The following CFAP161 variants were observed in gnomAD, a reference collection of about 807,000 sequenced individuals.
CFAP161 encodes cilia and flagella associated protein 161.
CFAP161 carries 25 observed loss-of-function variants against 29.0 expected under a neutral mutation model. The observed-to-expected ratio is 0.86, with a 90% CI of 0.63 to 1.20. The LOEUF (loss-of-function observed/expected upper bound fraction) is 1.20. Among genes scored for constraint, CFAP161 ranks in the 50% most tolerant of loss-of-function variants. The pLI is 0.00. For synonymous variants in CFAP161, 116 were observed against 137.4 expected, an observed-to-expected ratio of 0.84 and a Z score of 1.09; for missense variants, 367 against 371.9, an observed-to-expected ratio of 0.99 and a Z score of 0.11.
chr15:81,131,473 A>G (rs1394325413), upstream of CFAP161, among the ~76,000 whole-genome samples: 1 of 152,196 alleles, frequency 6.6e-6, no homozygotes, highest in Non-Finnish European at 1.5e-5. Context: ...AATATAAAAT[A>G]TCAATAGAGA....
At chr15:81,112,588 T>C (rs1894451829) in intron 1 of CFAP161, among the ~76,000 whole-genome samples, 1 of 152,096 alleles carries the variant, frequency 6.6e-6, no homozygotes, top group Non-Finnish European at 1.5e-5. Flanking sequence ...TTACCTTGGC[T>C]GGAGGTAGGG....
chr15:81,129,591 G>T (rs1336519855), upstream of CFAP161, among the ~76,000 whole-genome samples: 6 of 152,194 alleles, frequency 3.9e-5, no homozygotes, highest in African/African-American at 1.4e-4. Flanking sequence ...CAACATGTGG[G>T]AATTATGGGA....
At chr15:81,108,022 G>A (rs574539129) in intron 1 of CFAP161, among the ~76,000 whole-genome samples, 73 of 151,900 alleles carry the variant, frequency 4.8e-4, no homozygotes, top group South Asian at 1.2e-3. Context: ...GTGAAACTGA[G>A]ACACACCCTA....
upstream of CFAP161, among the ~76,000 whole-genome samples, chr15:81,130,136 G>T (rs1894691392): frequency 1.3e-5 from 2 of 152,162 alleles, no homozygotes; most frequent in African/African-American, 2.4e-5. Context: ...GACTTGAAAA[G>T]AATTAGAGCC....
chr15:81,119,899 A>G (rs1462908750), intron 1 of CFAP161, among the ~76,000 whole-genome samples: 1 of 98,954 alleles, frequency 1.0e-5, no homozygotes, highest in Non-Finnish European at 2.7e-5. Context: ...TTAAAAAAAA[A>G]TTAAAAAAAT....
Position 81,148,423 on chromosome 15 carries a change from T to C in CFAP161, c.796T>C (p.Leu266=). The C allele has an allele frequency of 1.2e-6, 2 of 1,614,176 alleles. No individual in the cohort carries two copies. The highest frequency in any genetic ancestry group is 1.7e-6 in the Non-Finnish European group (2 of 1,180,004). The change falls in exon 7 of 7, where the codon TTG becomes CTG. Residue 266 remains leucine (L), a synonymous_variant. Coordinates refer to ENST00000286732, the MANE Select transcript of CFAP161 (RefSeq NM_173528.4). The part of the protein sequence containing the change: ...RVEKPRNHWM[L]VTGNPRDASS... The stretch of plus-strand genomic sequence containing the variant: ...TGAGAAACCAAGGAACCACTGGATG[T>C]TGGTTACTGGGAATCCCAGGGATGC...
At chr15:81,124,485 T>A (rs529469028) in intron 1 of CFAP161, among the ~76,000 whole-genome samples, 1 of 152,270 alleles carries the variant, frequency 6.6e-6, no homozygotes, top group South Asian at 2.1e-4. Context: ...TTTTTTGTTT[T>A]ATTTCTGCCA....
At chr15:81,132,208 C>G (rs1388492033), upstream of CFAP161, among the ~76,000 whole-genome samples, 1 of 152,110 alleles carries the variant, frequency 6.6e-6, no homozygotes, top group East Asian at 1.9e-4. Context: ...ACCTGGGAAG[C>G]AGAGGTTGCA....
At chr15:81,122,047 C>T (rs1894580679) in intron 1 of CFAP161, among the ~76,000 whole-genome samples, 1 of 152,212 alleles carries the variant, frequency 6.6e-6, no homozygotes, top group Non-Finnish European at 1.5e-5. Flanking sequence ...GACATGATCT[C>T]ATTCTTTTTA....
intron 1 of CFAP161, among the ~76,000 whole-genome samples, chr15:81,125,079 C>T (rs1158121619): frequency 6.9e-6 from 1 of 145,822 alleles, no homozygotes; most frequent in East Asian, 2.0e-4. Flanking sequence ...TTTCCAATTA[C>T]AGAAAAAGTT....
rs1229553799 is a variant in CFAP161, at chr15:81,148,813, A to T, written c.*280A>T. The T allele has an allele frequency of 1.1e-5, 3 of 283,502 alleles. No homozygotes were observed. Among genetic ancestry groups the T allele is most frequent in the African/African-American group, 6.4e-5 (3 of 46,764 alleles). The allele number at this position is 283,502 out of a possible 1,614,324, so 17.6% of individuals were successfully genotyped here. On this transcript the variant is annotated 3_prime_UTR_variant, in exon 7 of 7. Coordinates refer to ENST00000286732, the MANE Select transcript of CFAP161 (RefSeq NM_173528.4). The stretch of plus-strand genomic sequence containing the variant: ...GAAGAACTCAGCTTCCTCTACTTAT[A>T]TCCTTCATTGTCTACAAGGACAGTG...
At chr15:81,119,184 A>T (rs1894538368) in intron 1 of CFAP161, among the ~76,000 whole-genome samples, 1 of 152,220 alleles carries the variant, frequency 6.6e-6, no homozygotes, top group African/African-American at 2.4e-5. Context: ...AAATACTTTT[A>T]AAGAAGAATT....
intron 4 of CFAP161, among the ~76,000 whole-genome samples, chr15:81,142,269 T>C (rs914035637): frequency 5.3e-5 from 8 of 152,020 alleles, no homozygotes; most frequent in African/African-American, 1.7e-4. Flanking sequence ...TTGATCTTTT[T>C]TTTTTAATTT....
chr15:81,124,774 CAG>C (rs898065310), intron 1 of CFAP161, among the ~76,000 whole-genome samples: 3 of 151,994 alleles, frequency 2.0e-5, no homozygotes, highest in African/African-American at 7.2e-5. Context: ...CCATTTCTTC[CAG>C]ATTTTCTAGT....
chr15:81,126,034 T>C (rs1156516955), intron 1 of CFAP161, among the ~76,000 whole-genome samples: 1 of 152,152 alleles, frequency 6.6e-6, no homozygotes, highest in Non-Finnish European at 1.5e-5. Context: ...CATGCCCAGC[T>C]AAGTTTTGTA....
At chr15:81,112,254 T>C (rs1894447956) in intron 1 of CFAP161, among the ~76,000 whole-genome samples, 2 of 152,182 alleles carry the variant, frequency 1.3e-5, no homozygotes, top group African/African-American at 4.8e-5. Flanking sequence ...CAAGAACTTT[T>C]AAACTTTCCG....
intron 1 of CFAP161, among the ~76,000 whole-genome samples, chr15:81,099,776 A>C (rs910825232): frequency 2.6e-5 from 4 of 152,190 alleles, no homozygotes; most frequent in Admixed American, 1.3e-4. Context: ...CTAAATATAT[A>C]TTAAATCAAG....
At chr15:81,127,714 A>G (rs563627722) in exon 2 of CFAP161, 2 of 151,144 alleles carry the variant, frequency 1.3e-5, no homozygotes, top group East Asian at 1.9e-4. Context: ...AGCAGAGCTC[A>G]AAGGACTGAA....
chr15:81,101,930 A>G (rs892757381), intron 1 of CFAP161, among the ~76,000 whole-genome samples: 3 of 152,148 alleles, frequency 2.0e-5, no homozygotes, highest in African/African-American at 7.2e-5. Flanking sequence ...AACTGACCTC[A>G]CTACCTCACT....
Sources: gnomAD v4.1 joint callset for allele counts (sites outside exome capture counted in the v4.1 genomes callset) on GRCh38, gnomAD v4.1.1 for gene constraint, MANE v1.5 for transcripts, NCBI Gene and HGNC (gene_info 2026-07-23, HGNC 2026-07-21) for gene names.